Variants in ZFHX3 observed in about 807,000 individuals in gnomAD.
ZFHX3 encodes the protein zinc finger homeobox 3.
A neutral mutation model predicts 279.1 loss-of-function variants in ZFHX3; 42 were observed. That is an observed-to-expected ratio of 0.15 (90% CI 0.12 to 0.19). The LOEUF is 0.19. ZFHX3 is among the 10% of genes least tolerant of loss of function. ZFHX3 has a pLI of 1.00. For synonymous variants in ZFHX3, 2,293 were observed against 1,957.8 expected (o/e 1.17, Z -4.52); for missense variants, 4,981 against 4,754.0 (o/e 1.05, Z -1.40).
chr16:73,266,217 T>C (rs1324753761), intron 4 of ZFHX3, among the ~76,000 whole-genome samples: 1 of 152,216 alleles, frequency 6.6e-6, no homozygotes, highest in African/African-American at 2.4e-5. Flanking sequence ...TGCGACTGGG[T>C]TCTTTTCTCA....
At chr16:73,674,873 C>T (rs1161331755) in intron 2 of ZFHX3, among the ~76,000 whole-genome samples, 2 of 152,182 alleles carry the variant, frequency 1.3e-5, no homozygotes, top group Non-Finnish European at 2.9e-5. Context: ...AGGAATGACA[C>T]ATATGTCACA....
At chr16:73,024,142 G>A (rs1326734721) in intron 1 of ZFHX3, among the ~76,000 whole-genome samples, 1 of 152,214 alleles carries the variant, frequency 6.6e-6, no homozygotes, top group Non-Finnish European at 1.5e-5. Flanking sequence ...AAAGTCCACA[G>A]AGCCCCCTCA....
At chr16:73,679,300 T>A (rs112305251) in intron 2 of ZFHX3, among the ~76,000 whole-genome samples, 2 of 152,144 alleles carry the variant, frequency 1.3e-5, no homozygotes, top group African/African-American at 4.8e-5. Context: ...AATCAGAGCA[T>A]TGAAAAGTAT....
chr16:73,464,121 A>G (rs954459103), intron 2 of ZFHX3, among the ~76,000 whole-genome samples: 1 of 152,088 alleles, frequency 6.6e-6, no homozygotes, highest in Non-Finnish European at 1.5e-5. Context: ...GCCATCAAAT[A>G]TTACTGGGAA....
At chr16:73,171,319 G>A (rs1567409050) in intron 5 of ZFHX3, among the ~76,000 whole-genome samples, 1 of 152,116 alleles carries the variant, frequency 6.6e-6, no homozygotes, top group Non-Finnish European at 1.5e-5. Flanking sequence ...GAAATGCCGA[G>A]GTATCTTCAA....
At chr16:72,909,927 T>C (rs1317945033) in intron 3 of ZFHX3, among the ~76,000 whole-genome samples, 1 of 147,582 alleles carries the variant, frequency 6.8e-6, no homozygotes, top group Non-Finnish European at 1.5e-5. Flanking sequence ...GCAAACTTCA[T>C]ATGCAAATAA....
At chr16:73,587,801 T>C (rs542777939) in intron 2 of ZFHX3, among the ~76,000 whole-genome samples, 16 of 152,324 alleles carry the variant, frequency 1.1e-4, no homozygotes, top group Admixed American at 3.9e-4. Context: ...CAAGAAAAAC[T>C]ATCAATGCTA....
At chr16:73,372,272 T>C (rs1159711006) in intron 3 of ZFHX3, among the ~76,000 whole-genome samples, 2 of 152,216 alleles carry the variant, frequency 1.3e-5, no homozygotes, top group Non-Finnish European at 2.9e-5. Context: ...AGATCATGTC[T>C]GTGATCTATT....
intron 1 of ZFHX3, among the ~76,000 whole-genome samples, chr16:73,852,859 TAACAGAGC>T (rs1961624473): frequency 6.6e-6 from 1 of 151,950 alleles, no homozygotes; most frequent in Non-Finnish European, 1.5e-5. Flanking sequence ...GCAAAGGAAA[TAACAGAGC>T]AAACAGACAA....
chr16:73,418,177 C>T lies in ZFHX3; in HGVS notation c.-1291+37826G>A, dbSNP rs1468239612. Among the ~76,000 whole-genome samples the T allele has an allele frequency of 5.9e-5, 9 of 152,278 alleles. No homozygotes were observed. The East Asian group carries it at 1.5e-3, about 26-fold the overall frequency. ...CCTTTTGGGTTAATCAGAACTTGTA[C>T]GTTATTATAGCCATAACATTCACAA... On this transcript the variant is annotated intron_variant, in intron 3 of 17. Coordinates refer to the ZFHX3 transcript ENST00000641206.
chr16:72,799,292 T>C (rs564502704), intron 8 of ZFHX3, among the ~76,000 whole-genome samples: 29 of 152,340 alleles, frequency 1.9e-4, no homozygotes, highest in African/African-American at 6.0e-4. Context: ...CAATAAGCAA[T>C]TAACATTCAA....
intron 5 of ZFHX3, among the ~76,000 whole-genome samples, chr16:73,247,362 C>G (rs1376217651): frequency 6.6e-6 from 1 of 151,160 alleles, no homozygotes; most frequent in African/African-American, 2.4e-5. Flanking sequence ...ATTTGTGTGT[C>G]TATGTGCCTG....
chr16:73,794,234 G>C (rs1959921803), intron 1 of ZFHX3: 1 of 152,200 alleles, frequency 6.6e-6, no homozygotes, highest in African/African-American at 2.4e-5. Flanking sequence ...CAGGAGGGTG[G>C]ACATCGAGGG....
chr16:72,819,176 T>G (rs2036705399), intron 5 of ZFHX3, among the ~76,000 whole-genome samples: 2 of 152,120 alleles, frequency 1.3e-5, no homozygotes, highest in Admixed American at 1.3e-4. Flanking sequence ...TTCCAGGTCT[T>G]CCATCACTCT....
chr16:73,224,418 C>T (rs146314053), intron 5 of ZFHX3, among the ~76,000 whole-genome samples: 70 of 152,296 alleles, frequency 4.6e-4, no homozygotes, highest in Admixed American at 1.4e-3. Flanking sequence ...TTCAAACCAG[C>T]TACCATATTA....
chr16:73,645,847 C>A (rs1191292169), intron 2 of ZFHX3, among the ~76,000 whole-genome samples: 1 of 152,114 alleles, frequency 6.6e-6, no homozygotes, highest in African/African-American at 2.4e-5. Context: ...GATTTCATTT[C>A]TTTCTTTCTT....
At chr16:73,342,423 A>G (rs748214585) in intron 3 of ZFHX3, among the ~76,000 whole-genome samples, 4 of 152,214 alleles carry the variant, frequency 2.6e-5, no homozygotes, top group Admixed American at 2.6e-4. Context: ...AACAATCTCA[A>G]TGGCCACGAA....
At chr16:72,912,186 A>G (rs879097732) in intron 3 of ZFHX3, among the ~76,000 whole-genome samples, 9 of 152,220 alleles carry the variant, frequency 5.9e-5, no homozygotes, top group African/African-American at 2.2e-4. Context: ...CGACCCTGCC[A>G]GGCTCCGCGC....
In ZFHX3 at chr16:73,058,936, C is replaced by A. The variant is rs1440150051; in HGVS notation, c.-430G>T. On this transcript the variant is annotated 5_prime_UTR_variant, in exon 1 of 9. Coordinates refer to the ZFHX3 transcript ENST00000397992. Reference sequence around the variant, plus strand: ...GCAAAGCAGGCGGCGGCGGCGGCTGCGGCCGGGAGGAGGAGGAGGAGGAGG... The same window carrying A: ...GCAAAGCAGGCGGCGGCGGCGGCTGAGGCCGGGAGGAGGAGGAGGAGGAGG... The A allele has an allele frequency of 1.0e-4, 16 of 157,012 alleles. No individual in the cohort carries two copies. In the Admixed American group the frequency reaches 1.1e-3, roughly 11 times the overall value. 9.7% of individuals were successfully genotyped at this position (157,012 alleles called of 1,614,324 possible). A position where few individuals can be genotyped will look rare whatever the true frequency, so the allele number is the denominator to read the frequency against.
Sources: allele counts gnomAD v4.1 joint callset (sites outside exome capture counted in the v4.1 genomes callset), GRCh38; gene constraint gnomAD v4.1.1; transcripts MANE v1.5; gene names NCBI Gene and HGNC (gene_info 2026-07-23, HGNC 2026-07-21).